Variants in AIMP1 observed in about 807,000 individuals in gnomAD.
The protein encoded by AIMP1 is aminoacyl tRNA synthetase complex interacting multifunctional protein 1.
In AIMP1, 24 loss-of-function variants were observed where a neutral mutation model predicts 33.1. The ratio of observed to expected loss-of-function variants is 0.73; its 90% confidence interval spans 0.53 to 1.02. The LOEUF (loss-of-function observed/expected upper bound fraction) is 1.02. AIMP1 is among the 50% of genes least tolerant of loss of function. The pLI is 0.00. For missense variants in AIMP1, 367 were observed against 364.8 expected (o/e 1.01, Z -0.05); for synonymous variants, 120 against 121.5 (o/e 0.99, Z 0.08).
intron 1 of AIMP1, among the ~76,000 whole-genome samples, chr4:106,324,234 G>C (rs1181498962): frequency 6.6e-6 from 1 of 151,902 alleles, no homozygotes; most frequent in Non-Finnish European, 1.5e-5. Flanking sequence ...TGTTAAATCA[G>C]GTAGAAAAGA....
chr4:106,316,525 A>C, upstream of AIMP1: 1 of 1,551,554 alleles, frequency 6.4e-7, no homozygotes, highest in African/African-American at 1.4e-5. Flanking sequence ...TCACTGCTAT[A>C]GTACGCGGGT....
chr4:106,327,706 A>G, intron 3 of AIMP1, 142 bp downstream of exon 3: 1 of 643,986 alleles, frequency 1.6e-6, no homozygotes, highest in Non-Finnish European at 2.7e-6. Context: ...TTATCAATAA[A>G]ATGGGGGCAT....
intron 6 of AIMP1, among the ~76,000 whole-genome samples, chr4:106,343,436 A>G (rs1304197771): frequency 8.5e-5 from 13 of 152,346 alleles, no homozygotes; most frequent in East Asian, 5.8e-4. Flanking sequence ...GGATGAAAGC[A>G]TGGAATAATT....
At chr4:106,331,646 T>G (rs1211288513) in intron 4 of AIMP1, 26 bp from the exon 5 acceptor site, 4 of 1,597,894 alleles carry the variant, frequency 2.5e-6, no homozygotes, top group Non-Finnish European at 3.4e-6. Context: ...ATTTCTGATG[T>G]TTACCCATTC....
chr4:106,320,838 A>G (rs1163199024), intron 1 of AIMP1, among the ~76,000 whole-genome samples: 4 of 151,658 alleles, frequency 2.6e-5, no homozygotes, highest in Non-Finnish European at 5.9e-5. Flanking sequence ...ACTCACTGCA[A>G]CCTCCCTGCC....
At chr4:106,330,316 C>A (rs1295448954) in intron 4 of AIMP1, among the ~76,000 whole-genome samples, 1 of 152,052 alleles carries the variant, frequency 6.6e-6, no homozygotes, top group East Asian at 1.9e-4. Flanking sequence ...AATGCATATA[C>A]TTTATCACAC....
intron 6 of AIMP1, among the ~76,000 whole-genome samples, chr4:106,337,708 G>A (rs1769943655): frequency 6.6e-6 from 1 of 152,236 alleles, no homozygotes; most frequent in African/African-American, 2.4e-5. Context: ...GTAACAGGCA[G>A]AGATTGGAAC....
At chr4:106,335,856 A>T (rs1008375101) in intron 5 of AIMP1, among the ~76,000 whole-genome samples, 2 of 151,352 alleles carry the variant, frequency 1.3e-5, no homozygotes, top group Non-Finnish European at 2.9e-5. Context: ...TTCATTTTAA[A>T]CTTGTTGAAA....
At chr4:106,341,642 G>T (rs910421093) in intron 6 of AIMP1, among the ~76,000 whole-genome samples, 1 of 151,986 alleles carries the variant, frequency 6.6e-6, no homozygotes, top group Non-Finnish European at 1.5e-5. Context: ...TGTTGCATTT[G>T]TCTGTGTGTC....
At chr4:106,331,321 T>C (rs1264184307) in intron 4 of AIMP1, among the ~76,000 whole-genome samples, 8 of 152,172 alleles carry the variant, frequency 5.3e-5, no homozygotes, top group African/African-American at 1.9e-4. Flanking sequence ...AACTCTGCCC[T>C]GGTGCAAAAG....
intron 5 of AIMP1, among the ~76,000 whole-genome samples, chr4:106,334,816 T>C (rs1337967669): frequency 6.6e-6 from 1 of 152,132 alleles, no homozygotes; most frequent in African/African-American, 2.4e-5. Context: ...AAGCAAGTCA[T>C]GTGTTTATCT....
At chr4:106,321,792 T>A (rs2125919289) in intron 1 of AIMP1, among the ~76,000 whole-genome samples, 1 of 152,342 alleles carries the variant, frequency 6.6e-6, no homozygotes, top group South Asian at 2.1e-4. Flanking sequence ...GAGATCAGAT[T>A]GTTACTGTGT....
In AIMP1 at chr4:106,329,035, T is replaced by G. The variant is rs558468280; in HGVS notation, c.391+792T>G. ...TGAATATTTCTCATTATACTTAAACTTATTTACTTTTTTTTTTTTTTTTTG... is the reference window on the plus strand; with the variant it reads ...TGAATATTTCTCATTATACTTAAACGTATTTACTTTTTTTTTTTTTTTTTG... On this transcript the variant is annotated intron_variant, in intron 4 of 6. Transcript: ENST00000672341. Among the ~76,000 whole-genome samples the G allele has an allele frequency of 3.2e-4, 48 of 149,036 alleles. 2 individuals carry two copies. The South Asian group carries it at 9.7e-3, about 30-fold the overall frequency.
At chr4:106,329,579 G>A (rs1447963707) in intron 4 of AIMP1, among the ~76,000 whole-genome samples, 1 of 152,076 alleles carries the variant, frequency 6.6e-6, no homozygotes, top group African/African-American at 2.4e-5. Flanking sequence ...TGGGTAGTAT[G>A]ACTAAACTGA....
In AIMP1 at chr4:106,324,678, T is replaced by G. The variant is rs188278324; in HGVS notation, c.-25-307T>G. The stretch of plus-strand genomic sequence containing the variant: ...TCATTAGCATAGTTACGGTTATTGT[T>G]ATTCTTATCTCTTAGTGTACCTGAA... On this transcript the variant is annotated intron_variant, in intron 1 of 6. Coordinates refer to ENST00000672341, the MANE Select transcript of AIMP1 (RefSeq NM_001142416.2). 7.2e-5 allele frequency among the ~76,000 whole-genome samples: 11 copies of G among 152,172 alleles called. No individual in the cohort carries two copies. The East Asian group carries it at 2.1e-3, about 29-fold the overall frequency.
intron 6 of AIMP1, among the ~76,000 whole-genome samples, chr4:106,338,819 C>T (rs1419402637): frequency 6.6e-6 from 1 of 152,208 alleles, no homozygotes; most frequent in Non-Finnish European, 1.5e-5. Context: ...ACATTCAACT[C>T]CAGCCTGTGA....
intron 6 of AIMP1, 107 bp from the exon 7 acceptor site, chr4:106,347,419 C>A: frequency 4.6e-6 from 5 of 1,081,360 alleles, no homozygotes; most frequent in Middle Eastern, 3.2e-4. Context: ...GTCCAAAAAT[C>A]AGAAAATGTT....
chr4:106,330,310 C>T (rs1769626392), intron 4 of AIMP1, among the ~76,000 whole-genome samples: 1 of 152,022 alleles, frequency 6.6e-6, no homozygotes, highest in African/African-American at 2.4e-5. Flanking sequence ...AAAGTAAATG[C>T]ATATACTTTA....
chr4:106,331,233 G>T lies in AIMP1; in HGVS notation c.392-439G>T, dbSNP rs79441946. Among the ~76,000 whole-genome samples the T allele has an allele frequency of 3.0e-4, 45 of 152,234 alleles. 1 individual carries two copies. The highest frequency in any genetic ancestry group is 3.4e-3 in the Middle Eastern group (1 of 294). On this transcript the variant is annotated intron_variant, in intron 4 of 6. Transcript: ENST00000672341. ...CACCTTCCAAAGAGCCATAGTAAAA[G>T]TTTTTAGAGGAGTCTCTATTATCCT...
Sources: gnomAD v4.1 joint callset for allele counts (sites outside exome capture counted in the v4.1 genomes callset) on GRCh38, gnomAD v4.1.1 for gene constraint, MANE v1.5 for transcripts, NCBI Gene and HGNC (gene_info 2026-07-23, HGNC 2026-07-21) for gene names.